The following SHPRH variants were observed in gnomAD, a reference collection of about 807,000 sequenced individuals.
The protein encoded by SHPRH is E3 ubiquitin-protein ligase SHPRH.
A neutral mutation model predicts 202.5 loss-of-function variants in SHPRH; 106 were observed. That is an observed-to-expected ratio of 0.52 (90% CI 0.45 to 0.62). The LOEUF (loss-of-function observed/expected upper bound fraction) is 0.62, where lower values mean the gene tolerates loss of function less well. SHPRH is among the 20% of genes least tolerant of loss of function. The probability of loss-of-function intolerance (pLI) is 0.00; values close to 1 mark genes in which losing one functional copy is unlikely to be tolerated. For missense variants in SHPRH, 1,710 were observed against 2,020.0 expected, an observed-to-expected ratio of 0.85 and a Z score of 2.94; for synonymous variants, 729 against 686.0, an observed-to-expected ratio of 1.06 and a Z score of -0.98.
At chr6:145,928,182 C>T (rs1008839913) in intron 14 of SHPRH, among the ~76,000 whole-genome samples, 1 of 151,894 alleles carries the variant, frequency 6.6e-6, no homozygotes, top group Admixed American at 6.6e-5. Flanking sequence ...GATAGTTGCG[C>T]AGAGATCTTA....
Position 145,954,685 on chromosome 6 carries a change from A to G in SHPRH, c.633+5T>C. ...TCAAAAAAGACACCACAAAAAACTG[A>G]GTACCTTGATAATGTGATTTCCTTC... is the stretch of plus-strand genomic sequence containing the variant. On this transcript the variant is annotated splice_donor_5th_base_variant and intron_variant, in intron 2 of 29. Coordinates refer to ENST00000275233, the MANE Select transcript of SHPRH (RefSeq NM_001042683.3). 6.4e-7 allele frequency: 1 copy of G among 1,559,402 alleles called. No homozygotes were observed. The highest frequency in any genetic ancestry group is 1.2e-5 in the South Asian group (1 of 80,576).
chr6:145,943,846 T>G (rs1787071365), intron 8 of SHPRH, 44 bp from the exon 9 acceptor site: 1 of 1,500,018 alleles, frequency 6.7e-7, no homozygotes. Context: ...CTAGTTGCAT[T>G]TCTGAAATTA....
intron 16 of SHPRH, among the ~76,000 whole-genome samples, chr6:145,925,932 T>A (rs1260814803): frequency 6.6e-6 from 1 of 151,954 alleles, no homozygotes; most frequent in Non-Finnish European, 1.5e-5. Flanking sequence ...TTAAAACTCA[T>A]TTATTTACAT....
intron 1 of SHPRH, among the ~76,000 whole-genome samples, chr6:145,955,689 C>G (rs376952227): frequency 5.3e-5 from 8 of 151,854 alleles, no homozygotes; most frequent in South Asian, 2.1e-4. Flanking sequence ...ATTTAACTGC[C>G]CCTCAGAACA....
intron 17 of SHPRH, among the ~76,000 whole-genome samples, chr6:145,924,184 TAATG>T (rs1784670136): frequency 6.6e-6 from 1 of 151,974 alleles, no homozygotes; most frequent in Admixed American, 6.6e-5. Flanking sequence ...AGATTCTACT[TAATG>T]AATAATCCAC....
rs776871669 is a variant in SHPRH, at chr6:145,943,807, GA to G, written c.1579-6del. The G allele has an allele frequency of 2.0e-5, 31 of 1,549,332 alleles. No homozygotes were observed. Among genetic ancestry groups the G allele is most frequent in the Non-Finnish European group, 2.5e-5 (29 of 1,155,418 alleles). On this transcript the variant is annotated splice_region_variant and splice_polypyrimidine_tract_variant and intron_variant, in intron 8 of 29. Coordinates refer to ENST00000275233, the MANE Select transcript of SHPRH (RefSeq NM_001042683.3). The stretch of plus-strand genomic sequence containing the variant: ...TTTCCTTGGACTCCCTACTGCCTAT[GA>G]AAAAAATATTTAATTAATTGATTGC...
intron 21 of SHPRH, 142 bp from the exon 22 acceptor site, chr6:145,919,633 G>T: frequency 1.1e-6 from 1 of 909,958 alleles, no homozygotes; most frequent in Non-Finnish European, 1.6e-6. Flanking sequence ...TAGTTCCTGG[G>T]GTCATTTTTA....
At chr6:145,911,657 GCTT>G (rs1029727489) in intron 24 of SHPRH, among the ~76,000 whole-genome samples, 4 of 152,020 alleles carry the variant, frequency 2.6e-5, no homozygotes, top group Non-Finnish European at 5.9e-5. Flanking sequence ...GAGTGACAAA[GCTT>G]CTAAATCCTT....
At position 145,918,400 on chromosome 6, in the gene SHPRH, GATT is replaced by G; in HGVS notation, c.4153-171_4153-169del. Reference sequence around the variant, plus strand: ...GGATACTAGATAATATATTTCAAATGATTTTTTTTTTTTTTTGCTTTATGAAAG... The same window carrying G: ...GGATACTAGATAATATATTTCAAATGTTTTTTTTTTTTTGCTTTATGAAAG... On this transcript the variant is annotated intron_variant, in intron 22 of 29. Transcript: ENST00000275233. 5 of 365,756 alleles carry G rather than the reference GATT, an allele frequency of 1.4e-5. No individual in the cohort carries two copies. In the East Asian group the frequency reaches 1.4e-4, roughly 10 times the overall value. 22.7% of individuals were successfully genotyped at this position (365,756 alleles called of 1,614,324 possible). A position where few individuals can be genotyped will look rare whatever the true frequency, so the allele number is the denominator to read the frequency against.
At chr6:145,912,360 T>C (rs1416966743) in intron 24 of SHPRH, among the ~76,000 whole-genome samples, 2 of 152,110 alleles carry the variant, frequency 1.3e-5, no homozygotes, top group Non-Finnish European at 2.9e-5. Flanking sequence ...GTCTTCCAAG[T>C]GCAGGAAACC....
chr6:145,936,047 G>A (rs1394626104), intron 11 of SHPRH, among the ~76,000 whole-genome samples: 2 of 152,018 alleles, frequency 1.3e-5, no homozygotes, highest in Non-Finnish European at 2.9e-5. Flanking sequence ...TTTCTTTTCT[G>A]ATTCAGCATG....
chr6:145,895,059 T>A, intron 25 of SHPRH, 82 bp from the exon 26 acceptor site: 1 of 1,207,610 alleles, frequency 8.3e-7, no homozygotes, highest in Non-Finnish European at 1.2e-6. Context: ...AAAGTACTTT[T>A]TATTATCAAA....
intron 23 of SHPRH, among the ~76,000 whole-genome samples, chr6:145,914,167 TG>T (rs2128741570): frequency 6.6e-6 from 1 of 152,184 alleles, no homozygotes; most frequent in Non-Finnish European, 1.5e-5. Flanking sequence ...CTGAGTTGGC[TG>T]GGGTTGGATG....
intron 25 of SHPRH, chr6:145,910,136 A>T (rs1488172665): frequency 4.6e-6 from 1 of 218,124 alleles, no homozygotes; most frequent in African/African-American, 2.3e-5. Flanking sequence ...CTCTAATGTA[A>T]CCAGACCTCT....
chr6:145,886,591 T>C lies in SHPRH; in HGVS notation c.*100A>G, dbSNP rs1781029654. ...AACAAATTCATTCAACTAGGAACAG[T>C]GTTACTGTTATCTACTGGGTTTTTA... is the stretch of plus-strand genomic sequence containing the variant. On this transcript the variant is annotated 3_prime_UTR_variant, in exon 30 of 30. Transcript: ENST00000275233. The C allele has an allele frequency of 1.4e-5, 22 of 1,542,494 alleles. No individual in the cohort carries two copies. The South Asian group carries it at 2.4e-4, about 17-fold the overall frequency.
At chr6:145,929,523 T>C (rs1033752241) in intron 14 of SHPRH, among the ~76,000 whole-genome samples, 15 of 152,226 alleles carry the variant, frequency 9.9e-5, no homozygotes, top group African/African-American at 3.6e-4. Flanking sequence ...GTAAGTTATA[T>C]ATGTAATGTT....
At chr6:145,912,850 G>GATAT (rs372510861) in intron 24 of SHPRH, among the ~76,000 whole-genome samples, 9 of 150,314 alleles carry the variant, frequency 6.0e-5, no homozygotes, top group South Asian at 4.2e-4. Flanking sequence ...TGAATAGTCT[G>GATAT]ATATATATAT....
At chr6:145,908,514 A>G (rs1023812154) in intron 25 of SHPRH, 4 of 152,142 alleles carry the variant, frequency 2.6e-5, no homozygotes, top group Admixed American at 2.0e-4. Context: ...TCCGATGATC[A>G]GTGATGAACT....
chr6:145,875,152 A>G (rs1271649399), intron 2 of SHPRH, among the ~76,000 whole-genome samples: 2 of 152,212 alleles, frequency 1.3e-5, no homozygotes. Context: ...GATATGGGAT[A>G]CTCATCCTGT....
Sources: gnomAD v4.1 joint callset for allele counts (sites outside exome capture counted in the v4.1 genomes callset) on GRCh38, gnomAD v4.1.1 for gene constraint, MANE v1.5 for transcripts, NCBI Gene and HGNC (gene_info 2026-07-23, HGNC 2026-07-21) for gene names.